PPP2R5E: variants seen among roughly 807,000 people sequenced by gnomAD.
The protein encoded by PPP2R5E is serine/threonine-protein phosphatase 2A 56 kDa regulatory subunit epsilon isoform.
Under a neutral mutation model 65.3 loss-of-function variants are expected in PPP2R5E, and 4 were observed. The ratio of observed to expected loss-of-function variants is 0.06; its 90% CI spans 0.03 to 0.14. The LOEUF is 0.14. PPP2R5E is among the 10% of genes least tolerant of loss of function. The probability of loss-of-function intolerance (pLI) is 1.00; values close to 1 mark genes in which losing one functional copy is unlikely to be tolerated. For missense variants in PPP2R5E, 274 were observed against 556.1 expected (o/e 0.49, Z 5.10); for synonymous variants, 183 against 187.4 (o/e 0.98, Z 0.19).
At chr14:63,430,988 G>A (rs749629915) in intron 3 of PPP2R5E, among the ~76,000 whole-genome samples, 1 of 152,020 alleles carries the variant, frequency 6.6e-6, no homozygotes, top group Non-Finnish European at 1.5e-5. Flanking sequence ...GGCATGTCCT[G>A]GCCAGGCATG....
chr14:63,422,848 T>A (rs1390874779), intron 3 of PPP2R5E, among the ~76,000 whole-genome samples: 2 of 152,162 alleles, frequency 1.3e-5, no homozygotes, highest in Non-Finnish European at 2.9e-5. Flanking sequence ...TTCAGGCTTT[T>A]CTAATAACCT....
chr14:63,377,960 G>A (rs893788673), intron 13 of PPP2R5E, among the ~76,000 whole-genome samples: 9 of 152,118 alleles, frequency 5.9e-5, no homozygotes, highest in Non-Finnish European at 1.3e-4. Flanking sequence ...TCAATCACCT[G>A]GGCTCAAGCA....
chr14:63,391,135 A>G (rs1884994751), intron 10 of PPP2R5E, among the ~76,000 whole-genome samples: 1 of 152,108 alleles, frequency 6.6e-6, no homozygotes, highest in Admixed American at 6.5e-5. Flanking sequence ...GAAGGGGGCC[A>G]CTCGGAAGGG....
chr14:63,476,434 C>T (rs1376088662), intron 2 of PPP2R5E, among the ~76,000 whole-genome samples: 1 of 152,120 alleles, frequency 6.6e-6, no homozygotes, highest in African/African-American at 2.4e-5. Flanking sequence ...ATTTCAGTAA[C>T]AGAGATTATA....
At chr14:63,509,589 T>G (rs956094428) in intron 2 of PPP2R5E, among the ~76,000 whole-genome samples, 2 of 152,168 alleles carry the variant, frequency 1.3e-5, no homozygotes, top group Non-Finnish European at 2.9e-5. Context: ...ATTTTAAATA[T>G]TCTGTGCATC....
intron 2 of PPP2R5E, among the ~76,000 whole-genome samples, chr14:63,462,130 G>T (rs568251534): frequency 1.3e-5 from 2 of 151,310 alleles, no homozygotes; most frequent in African/African-American, 2.4e-5. Context: ...AAGTGCAGTG[G>T]TGCAATCTCG....
intron 2 of PPP2R5E, among the ~76,000 whole-genome samples, chr14:63,524,729 C>G (rs2139739541): frequency 6.6e-6 from 1 of 152,302 alleles, no homozygotes; most frequent in African/African-American, 2.4e-5. Flanking sequence ...GTGCCCAGCT[C>G]CCCGGCCTGG....
intron 2 of PPP2R5E, among the ~76,000 whole-genome samples, chr14:63,536,623 G>A (rs1446934910): frequency 6.6e-6 from 1 of 152,156 alleles, no homozygotes; most frequent in Non-Finnish European, 1.5e-5. Context: ...AGCAACCCAA[G>A]TGTCCACCAA....
intron 1 of PPP2R5E, among the ~76,000 whole-genome samples, chr14:63,540,845 C>T (rs1227397143): frequency 6.6e-6 from 1 of 152,086 alleles, no homozygotes; most frequent in Non-Finnish European, 1.5e-5. Context: ...TGTATTGTGC[C>T]ACTCCATTAT....
chr14:63,403,724 C>T (rs1885901962), intron 5 of PPP2R5E, among the ~76,000 whole-genome samples: 3 of 150,560 alleles, frequency 2.0e-5, no homozygotes, highest in Admixed American at 1.3e-4. Context: ...AGAATTAAAG[C>T]ACACACTAGT....
At chr14:63,415,030 T>G (rs1566685034) in intron 5 of PPP2R5E, 110 bp downstream of exon 5, 1 of 604,422 alleles carries the variant, frequency 1.7e-6, no homozygotes, top group South Asian at 2.2e-5. Context: ...TATATATATT[T>G]TGTGGGTGAT....
At chr14:63,441,933 G>A (rs925602864) in intron 3 of PPP2R5E, among the ~76,000 whole-genome samples, 163 of 149,656 alleles carry the variant, frequency 1.1e-3, no homozygotes, top group African/African-American at 3.8e-3. Context: ...AAAATACACA[G>A]AATACACAAA....
chr14:63,408,071 T>C (rs1886188193), intron 5 of PPP2R5E, among the ~76,000 whole-genome samples: 1 of 152,230 alleles, frequency 6.6e-6, no homozygotes, highest in South Asian at 2.1e-4. Context: ...TCAAAAATTA[T>C]ACTGTTCTAT....
chr14:63,430,385 A>ATG (rs1887592045), intron 3 of PPP2R5E, among the ~76,000 whole-genome samples: 1 of 140,810 alleles, frequency 7.1e-6, no homozygotes, highest in African/African-American at 3.1e-5. Flanking sequence ...ATGCATACAT[A>ATG]CATACATACA....
intron 3 of PPP2R5E, among the ~76,000 whole-genome samples, chr14:63,433,027 G>GT (rs1332283002): frequency 4.4e-5 from 5 of 114,036 alleles, no homozygotes; most frequent in African/African-American, 6.9e-5. Context: ...TTTTTGTTTT[G>GT]TTTTGTTTTT....
At chr14:63,389,534 A>G (rs1884885621) in intron 11 of PPP2R5E, 78 bp downstream of exon 11, 9 of 1,465,072 alleles carry the variant, frequency 6.1e-6, no homozygotes, top group Middle Eastern at 2.6e-4. Context: ...GCTAGGGTCC[A>G]TTACATTGCT....
rs557785714 is a variant in PPP2R5E, at chr14:63,374,118, TTTTG to T, written c.*1887_*1890del. Reference sequence around the variant, plus strand: ...TTCTTTTTGGAATTAACAATGCCAGTTTTGTTTGTTTTTTTACAAAGTTACCGAG... The same window carrying T: ...TTCTTTTTGGAATTAACAATGCCAGTTTTGTTTTTTTACAAAGTTACCGAG... On this transcript the variant is annotated 3_prime_UTR_variant, in exon 14 of 14. Transcript: ENST00000337537. 38 of 151,626 alleles carry T rather than the reference TTTTG, an allele frequency of 2.5e-4. No individual in the cohort carries two copies. Among genetic ancestry groups the T allele is most frequent in the African/African-American group, 8.2e-4 (34 of 41,390 alleles). 9.4% of individuals were successfully genotyped at this position (151,626 alleles called of 1,614,324 possible). A position where few individuals can be genotyped will look rare whatever the true frequency, so the allele number is the denominator to read the frequency against.
At chr14:63,403,988 A>G (rs1448868883) in intron 5 of PPP2R5E, among the ~76,000 whole-genome samples, 1 of 152,214 alleles carries the variant, frequency 6.6e-6, no homozygotes, top group Non-Finnish European at 1.5e-5. Context: ...ATCTAAAATC[A>G]CAAGTTAAAA....
intron 3 of PPP2R5E, 46 bp downstream of exon 3, chr14:63,453,643 T>C (rs749064340): frequency 1.7e-5 from 27 of 1,572,738 alleles, no homozygotes; most frequent in Non-Finnish European, 2.1e-5. Context: ...TGTGAGTCAC[T>C]ATGGAAGATG....
Sources: allele counts gnomAD v4.1 joint callset (sites outside exome capture counted in the v4.1 genomes callset), GRCh38; gene constraint gnomAD v4.1.1; transcripts MANE v1.5; gene names NCBI Gene and HGNC (gene_info 2026-07-23, HGNC 2026-07-21).